The following HMBOX1 variants were observed in gnomAD, a reference collection of about 807,000 sequenced individuals.
HMBOX1 encodes homeobox containing 1, also known as homeobox-containing protein 1.
A neutral mutation model predicts 54.5 loss-of-function variants in HMBOX1; 14 were observed. That is an observed-to-expected ratio of 0.26 (90% CI 0.17 to 0.40). HMBOX1 has a LOEUF of 0.40. HMBOX1 is among the 10% of genes least tolerant of loss of function. HMBOX1 has a pLI of 1.00. For missense variants in HMBOX1, 332 were observed against 514.4 expected, an observed-to-expected ratio of 0.65 and a Z score of 3.43; for synonymous variants, 160 against 181.0, an observed-to-expected ratio of 0.88 and a Z score of 0.93.
chr8:28,905,628 A>G (rs1814178915), intron 1 of HMBOX1, among the ~76,000 whole-genome samples: 1 of 152,148 alleles, frequency 6.6e-6, no homozygotes, highest in Non-Finnish European at 1.5e-5. Flanking sequence ...TGATTCAGTT[A>G]TTTTGCTAGG....
intron 4 of HMBOX1, among the ~76,000 whole-genome samples, chr8:28,987,857 C>A (rs746746783): frequency 6.6e-6 from 1 of 152,148 alleles, no homozygotes. Context: ...TCAACTTCAG[C>A]TAAATTTAAC....
rs566433958 is a variant in HMBOX1, at chr8:28,928,849, C to A, written c.-57-34962C>A. Among the ~76,000 whole-genome samples the A allele has an allele frequency of 2.6e-5, 4 of 152,162 alleles. No homozygotes were observed. The South Asian group carries it at 6.2e-4, about 24-fold the overall frequency. ...ATGTAGAATCTTTAGAAGTTGAACT[C>A]ATAGAAATAGAATAGAAGGGAAAGT... On this transcript the variant is annotated intron_variant, in intron 1 of 9. Transcript: ENST00000287701.
At chr8:28,923,786 TG>T (rs1340098950) in intron 1 of HMBOX1, among the ~76,000 whole-genome samples, 6 of 152,174 alleles carry the variant, frequency 3.9e-5, no homozygotes, top group African/African-American at 1.4e-4. Context: ...TTGTATTTTT[TG>T]TTTTTTTTAA....
At chr8:29,048,917 A>G in intron 8 of HMBOX1, 37 bp from the exon 9 acceptor site, 1 of 1,388,798 alleles carries the variant, frequency 7.2e-7, no homozygotes, top group Non-Finnish European at 1.0e-6. Context: ...GTGATAAGGT[A>G]ACAGATAATT....
intron 6 of HMBOX1, among the ~76,000 whole-genome samples, chr8:29,019,177 T>G (rs536243404): frequency 6.6e-6 from 1 of 152,346 alleles, no homozygotes; most frequent in East Asian, 1.9e-4. Context: ...GAATAAATAT[T>G]TTTTGAATTC....
chr8:28,938,872 A>G (rs978733971), intron 1 of HMBOX1, among the ~76,000 whole-genome samples: 15 of 152,046 alleles, frequency 9.9e-5, no homozygotes, highest in South Asian at 2.1e-4. Context: ...TTCCTTTCTA[A>G]ATTAAAAATG....
At chr8:29,022,926 A>G (rs1367812952) in intron 6 of HMBOX1, among the ~76,000 whole-genome samples, 2 of 152,150 alleles carry the variant, frequency 1.3e-5, no homozygotes, top group African/African-American at 2.4e-5. Flanking sequence ...TTAAACCTGT[A>G]TATCAAAATA....
At chr8:28,993,050 T>G (rs1586336861) in intron 4 of HMBOX1, among the ~76,000 whole-genome samples, 1 of 2,234 alleles carries the variant, frequency 4.5e-4, no homozygotes, top group Non-Finnish European at 1.0e-3. Flanking sequence ...CAACACCTAG[T>G]TTTTTTTTTT....
At chr8:29,047,332 C>CATGTATTTTATTGCA (rs1805718800) in intron 7 of HMBOX1, 26 bp from the exon 8 acceptor site, 1 of 1,286,616 alleles carries the variant, frequency 7.8e-7, no homozygotes, top group African/African-American at 1.5e-5. Context: ...TATAGATTAT[C>CATGTATTTTATTGCA]TGAATTTTAT....
At chr8:29,041,379 C>G (rs570056089) in intron 6 of HMBOX1, among the ~76,000 whole-genome samples, 8 of 152,126 alleles carry the variant, frequency 5.3e-5, no homozygotes, top group African/African-American at 1.7e-4. Flanking sequence ...ACTGTGAGAT[C>G]CATTTCTTTT....
At chr8:29,024,876 C>A (rs1447431073) in intron 6 of HMBOX1, among the ~76,000 whole-genome samples, 1 of 152,114 alleles carries the variant, frequency 6.6e-6, no homozygotes, top group Non-Finnish European at 1.5e-5. Context: ...AGCATTACTG[C>A]CTGAGCTCCA....
intron 1 of HMBOX1, among the ~76,000 whole-genome samples, chr8:28,924,199 C>T (rs577930366): frequency 1.5e-4 from 23 of 151,420 alleles, no homozygotes; most frequent in South Asian, 8.4e-4. Flanking sequence ...CTCCGCCTCC[C>T]GGGTTCACGC....
At chr8:28,901,130 ACAC>A (rs1487514651) in intron 1 of HMBOX1, among the ~76,000 whole-genome samples, 3 of 152,148 alleles carry the variant, frequency 2.0e-5, no homozygotes, top group Non-Finnish European at 4.4e-5. Flanking sequence ...AGTGGTTGTT[ACAC>A]CTTATCTTAT....
At chr8:28,984,488 T>C (rs1321801124) in intron 4 of HMBOX1, among the ~76,000 whole-genome samples, 1 of 152,168 alleles carries the variant, frequency 6.6e-6, no homozygotes, top group African/African-American at 2.4e-5. Flanking sequence ...AGTTCATGGG[T>C]GGGGTCTGTA....
At chr8:29,040,366 T>C (rs1328021867) in intron 6 of HMBOX1, among the ~76,000 whole-genome samples, 2 of 152,214 alleles carry the variant, frequency 1.3e-5, no homozygotes, top group Admixed American at 6.5e-5. Context: ...AAAAAACTCT[T>C]CTACTTATAT....
chr8:29,000,576 T>C (rs1052908327), intron 4 of HMBOX1, among the ~76,000 whole-genome samples: 2 of 152,256 alleles, frequency 1.3e-5, no homozygotes, highest in Non-Finnish European at 2.9e-5. Context: ...TTCGACAAAT[T>C]ACCTCACATC....
chr8:29,004,513 G>A (rs572790986), intron 4 of HMBOX1, among the ~76,000 whole-genome samples: 1 of 152,176 alleles, frequency 6.6e-6, no homozygotes, highest in African/African-American at 2.4e-5. Flanking sequence ...GGAAGGGAGC[G>A]TGGTGTTTGA....
intron 4 of HMBOX1, among the ~76,000 whole-genome samples, chr8:28,998,776 C>T (rs139351013): frequency 2.3e-3 from 350 of 151,952 alleles, no homozygotes; most frequent in African/African-American, 8.0e-3. Flanking sequence ...TTTTAAATCC[C>T]TTGTCATTTC....
At chr8:28,919,466 C>A (rs1022729719) in intron 1 of HMBOX1, among the ~76,000 whole-genome samples, 1 of 152,110 alleles carries the variant, frequency 6.6e-6, no homozygotes, top group African/African-American at 2.4e-5. Flanking sequence ...GACATTATTT[C>A]TTTATTGAAT....
Sources: gnomAD v4.1 joint callset for allele counts (sites outside exome capture counted in the v4.1 genomes callset) on GRCh38, gnomAD v4.1.1 for gene constraint, MANE v1.5 for transcripts, NCBI Gene and HGNC (gene_info 2026-07-23, HGNC 2026-07-21) for gene names.